The following AKAP6 variants were observed in gnomAD, a reference collection of about 807,000 sequenced individuals.
AKAP6 encodes A-kinase anchoring protein 6, also known as A-kinase anchor protein 6.
AKAP6 carries 58 observed loss-of-function variants against 188.5 expected under a neutral mutation model. The ratio of observed to expected loss-of-function variants is 0.31; its 90% CI spans 0.25 to 0.38. The LOEUF (loss-of-function observed/expected upper bound fraction) is 0.38, where lower values mean the gene tolerates loss of function less well. Among genes scored for constraint, AKAP6 ranks in the 10% least tolerant of loss-of-function variants. The probability of loss-of-function intolerance (pLI) is 1.00; values close to 1 mark genes in which losing one functional copy is unlikely to be tolerated. For missense variants in AKAP6, 2,710 were observed against 2,740.0 expected (o/e 0.99, Z 0.24); for synonymous variants, 989 against 998.6 (o/e 0.99, Z 0.18).
At chr14:32,643,315 C>CA (rs1566621971) in intron 7 of AKAP6, among the ~76,000 whole-genome samples, 1 of 145,866 alleles carries the variant, frequency 6.9e-6, no homozygotes, top group Non-Finnish European at 1.5e-5. Flanking sequence ...CTTTTCTTTT[C>CA]TTTTTTTTTT....
Position 32,545,866 on chromosome 14 carries a change from C to A in AKAP6, c.1213C>A (p.Leu405Met). The A allele has an allele frequency of 6.2e-7, 1 of 1,614,176 alleles. No homozygotes were observed. The highest frequency in any genetic ancestry group is 8.5e-7 in the Non-Finnish European group (1 of 1,180,018). ...FLKEETFKND[L>M]KGNGGKRQMV... The stretch of plus-strand genomic sequence containing the variant: ...TAAAGAGGAAACTTTTAAGAATGAT[C>A]TGAAAGGCAATGGTGGAAAGAGGCA... The change falls in exon 4 of 14, where the codon CTG becomes ATG. Residue 405 changes from leucine to methionine, a missense_variant. Around this residue, in one of 2 missense-constraint regions of AKAP6, gnomAD observed 2,473 missense variants for 2,426.1 expected, o/e 1.02. Transcript: ENST00000280979.
chr14:32,758,918 C>T (rs555394786), intron 11 of AKAP6, among the ~76,000 whole-genome samples: 175 of 152,308 alleles, frequency 1.1e-3, no homozygotes, highest in African/African-American at 3.8e-3. Flanking sequence ...AACAGTTTCT[C>T]GTTCCCAGGG....
chr14:32,733,507 T>C (rs1034090436), intron 10 of AKAP6: 1 of 152,136 alleles, frequency 6.6e-6, no homozygotes, highest in Non-Finnish European at 1.5e-5. Flanking sequence ...AAATTTTAGA[T>C]AAATAATACT....
chr14:32,638,496 G>A (rs1297126692), intron 7 of AKAP6, among the ~76,000 whole-genome samples: 1 of 152,086 alleles, frequency 6.6e-6, no homozygotes, highest in Non-Finnish European at 1.5e-5. Flanking sequence ...GAAGAAATGA[G>A]CATACAATCA....
chr14:32,460,980 G>A (rs1444906789), intron 2 of AKAP6, among the ~76,000 whole-genome samples: 3 of 152,236 alleles, frequency 2.0e-5, no homozygotes, highest in East Asian at 3.9e-4. Flanking sequence ...ACTCACCACA[G>A]TGCAGCAAAG....
rs2034869717 is a variant in AKAP6, at chr14:32,835,828, T to C, written c.*6023T>C. The C allele has an allele frequency of 6.6e-6, 1 of 152,216 alleles. No individual in the cohort carries two copies. The highest frequency in any genetic ancestry group is 2.4e-5 in the African/African-American group (1 of 41,460). The allele number at this position is 152,216 out of a possible 1,614,324, so 9.4% of individuals were successfully genotyped here. A position where few individuals can be genotyped will look rare whatever the true frequency, so the allele number is the denominator to read the frequency against. ...GGGAAGGGAACGTTCAAGGAAACCG[T>C]ATAGCCACTTCTTTTTTAAAAGCAG... On this transcript the variant is annotated 3_prime_UTR_variant, in exon 14 of 14. Transcript: ENST00000280979.
At chr14:32,395,109 C>T (rs1012095191) in intron 1 of AKAP6, among the ~76,000 whole-genome samples, 2 of 152,034 alleles carry the variant, frequency 1.3e-5, no homozygotes, top group African/African-American at 4.8e-5. Context: ...CCTGCTCATC[C>T]CATGTATACA....
intron 2 of AKAP6, among the ~76,000 whole-genome samples, chr14:32,466,275 A>T: frequency 6.6e-6 from 1 of 152,210 alleles, no homozygotes; most frequent in South Asian, 2.1e-4. Flanking sequence ...ATGCATGCAC[A>T]TGTATGTTTA....
At position 32,824,642 on chromosome 14, in the gene AKAP6, G is replaced by A. The variant is rs370112227; in HGVS notation, c.6829G>A (p.Val2277Ile). Reference protein sequence around the residue: ...EHNAASAKSKVQDLSLKANQP... With the variant: ...EHNAASAKSKIQDLSLKANQP... ...TAATGCTGCTTCAGCCAAATCTAAA[G>A]TTCAAGACCTCTCCTTGAAGGCAAA... The change falls in exon 13 of 14, where the codon GTT becomes ATT. Residue 2277 changes from valine (V) to isoleucine (I), a missense_variant. Physicochemically the swap from Val to Ile is conservative, Grantham distance 29. Coordinates refer to ENST00000280979, the MANE Select transcript of AKAP6 (RefSeq NM_004274.5). 1.9e-6 allele frequency: 3 copies of A among 1,613,900 alleles called. No homozygotes were observed. The highest frequency in any genetic ancestry group is 1.7e-5 in the Admixed American group (1 of 59,926).
intron 5 of AKAP6, among the ~76,000 whole-genome samples, chr14:32,583,779 C>T (rs936236411): frequency 2.6e-4 from 39 of 152,178 alleles, no homozygotes; most frequent in African/African-American, 8.4e-4. Context: ...CCCTCTGAGC[C>T]AGGTGCGGGA....
intron 1 of AKAP6, among the ~76,000 whole-genome samples, chr14:32,366,028 T>C (rs980055508): frequency 6.6e-6 from 1 of 151,988 alleles, no homozygotes; most frequent in African/African-American, 2.4e-5. Context: ...CCTTAGGAGG[T>C]AAACCCTCTC....
At chr14:32,662,148 A>C (rs993010306) in intron 7 of AKAP6, among the ~76,000 whole-genome samples, 1 of 152,118 alleles carries the variant, frequency 6.6e-6, no homozygotes, top group African/African-American at 2.4e-5. Flanking sequence ...GATTATTTGG[A>C]ATGAAACTAT....
intron 7 of AKAP6, among the ~76,000 whole-genome samples, chr14:32,634,562 A>G (rs1004045946): frequency 2.6e-5 from 4 of 152,082 alleles, no homozygotes; most frequent in South Asian, 2.1e-4. Context: ...TCTGTATCCT[A>G]TAGGCTGAGG....
intron 7 of AKAP6, among the ~76,000 whole-genome samples, chr14:32,620,075 C>T (rs1371080728): frequency 6.6e-6 from 1 of 151,854 alleles, no homozygotes; most frequent in Non-Finnish European, 1.5e-5. Flanking sequence ...ATCTAAGAGT[C>T]TTTTGGAGGA....
intron 2 of AKAP6, among the ~76,000 whole-genome samples, chr14:32,496,153 T>G (rs1242953965): frequency 2.6e-5 from 4 of 152,202 alleles, no homozygotes; most frequent in African/African-American, 9.6e-5. Flanking sequence ...GACAGACATA[T>G]TCCTAAAACA....
intron 2 of AKAP6, among the ~76,000 whole-genome samples, chr14:32,488,785 G>C (rs1397919292): frequency 6.6e-6 from 1 of 152,070 alleles, no homozygotes; most frequent in Non-Finnish European, 1.5e-5. Flanking sequence ...GACCCCTTGT[G>C]CTTCCCAGGT....
At position 32,837,675 on chromosome 14, in the gene AKAP6, G is replaced by GA. The variant is rs535923643; in HGVS notation, c.*7874dup. ...ATTTATCTTGTCATTAAAATGATGT[G>GA]AAAATCAAATCATTCTTCATATTTG... On this transcript the variant is annotated 3_prime_UTR_variant, in exon 14 of 14. Coordinates refer to ENST00000280979, the MANE Select transcript of AKAP6 (RefSeq NM_004274.5). 4 of 152,280 alleles carry GA rather than the reference G, an allele frequency of 2.6e-5. No individual in the cohort carries two copies. The highest frequency in any genetic ancestry group is 9.6e-5 in the African/African-American group (4 of 41,570). 9.4% of individuals were successfully genotyped at this position (152,280 alleles called of 1,614,324 possible).
chr14:32,538,002 C>T (rs1219052789), intron 3 of AKAP6, among the ~76,000 whole-genome samples: 1 of 152,168 alleles, frequency 6.6e-6, no homozygotes, highest in Non-Finnish European at 1.5e-5. Flanking sequence ...TGAAGTCAGT[C>T]TTTAGTCCTG....
intron 1 of AKAP6, among the ~76,000 whole-genome samples, chr14:32,374,633 C>T (rs2138529773): frequency 6.6e-6 from 1 of 152,180 alleles, no homozygotes; most frequent in African/African-American, 2.4e-5. Flanking sequence ...TAGTTTTACT[C>T]CTCCTTCCCC....
Sources: gnomAD v4.1 joint callset for allele counts (sites outside exome capture counted in the v4.1 genomes callset) on GRCh38, gnomAD v4.1.1 for gene constraint, gnomAD v4.1.1 regional missense constraint, MANE v1.5 for transcripts, NCBI Gene and HGNC (gene_info 2026-07-23, HGNC 2026-07-21) for gene names.